VWA8: variants seen among roughly 807,000 people sequenced by gnomAD.
VWA8 encodes von Willebrand factor A domain-containing protein 8.
VWA8 carries 221 observed loss-of-function variants against 241.5 expected under a neutral mutation model. The ratio of observed to expected loss-of-function variants is 0.91; its 90% CI spans 0.82 to 1.02. The LOEUF (loss-of-function observed/expected upper bound fraction) is 1.02. Among genes scored for constraint, VWA8 ranks in the 50% least tolerant of loss-of-function variants. The pLI, the probability that VWA8 is intolerant of heterozygous loss-of-function variation, is 0.00. For missense variants in VWA8, 2,322 were observed against 2,328.7 expected (o/e 1.00, Z 0.06); for synonymous variants, 852 against 827.1 (o/e 1.03, Z -0.52).
rs573935658 is a variant in VWA8, at chr13:41,756,150, A to G, written c.2426+4978T>C. On this transcript the variant is annotated intron_variant, in intron 21 of 44. Transcript: ENST00000379310. ...TCATTACTAAGGACATTAAAATATC[A>G]TAAGATGATATTCTAAATAACTTTA... 2.6e-5 allele frequency among the ~76,000 whole-genome samples: 4 copies of G among 151,936 alleles called. No homozygotes were observed. The South Asian group carries it at 8.3e-4, about 32-fold the overall frequency.
chr13:41,618,741 C>A (rs1464765813), intron 37 of VWA8, among the ~76,000 whole-genome samples: 2 of 152,144 alleles, frequency 1.3e-5, no homozygotes, highest in Non-Finnish European at 2.9e-5. Context: ...ATCCTTTCCC[C>A]ATTTCTTGTT....
chr13:41,699,359 AC>A, intron 28 of VWA8, 89 bp from the exon 29 acceptor site: 1 of 1,219,248 alleles, frequency 8.2e-7, no homozygotes, highest in Non-Finnish European at 1.2e-6. Context: ...TCATGAATAC[AC>A]AGCTGGAACA....
At chr13:41,904,896 C>G (rs1875634904) in intron 4 of VWA8, among the ~76,000 whole-genome samples, 1 of 152,014 alleles carries the variant, frequency 6.6e-6, no homozygotes, top group Non-Finnish European at 1.5e-5. Context: ...TAAAAGATAA[C>G]CAACTGGAAA....
chr13:41,755,397 G>C (rs914746598), intron 21 of VWA8, among the ~76,000 whole-genome samples: 1 of 151,444 alleles, frequency 6.6e-6, no homozygotes, highest in African/African-American at 2.4e-5. Flanking sequence ...AGATACTTAG[G>C]GCCCTTGTTA....
At chr13:41,888,265 A>G (rs1285153971) in intron 5 of VWA8, among the ~76,000 whole-genome samples, 1 of 152,170 alleles carries the variant, frequency 6.6e-6, no homozygotes, top group East Asian at 1.9e-4. Flanking sequence ...GATCTACAGT[A>G]TTGACTAAAT....
chr13:41,597,910 C>G (rs1483841856), intron 40 of VWA8, among the ~76,000 whole-genome samples: 4 of 152,014 alleles, frequency 2.6e-5, no homozygotes, highest in African/African-American at 9.7e-5. Context: ...CCTCTCAACT[C>G]CCAGCAGTAT....
intron 9 of VWA8, among the ~76,000 whole-genome samples, chr13:41,872,023 T>C (rs1352574232): frequency 1.3e-5 from 2 of 152,230 alleles, no homozygotes; most frequent in African/African-American, 4.8e-5. Flanking sequence ...TGGTATCTCA[T>C]TGTGGTTTTG....
At chr13:41,833,590 A>G in intron 12 of VWA8, 59 bp from the exon 13 acceptor site, 1 of 1,494,872 alleles carries the variant, frequency 6.7e-7, no homozygotes, top group Non-Finnish European at 9.0e-7. Flanking sequence ...TAAGACATGC[A>G]AGGTAGCTTA....
chr13:41,790,973 T>A (rs1446189531), intron 17 of VWA8, among the ~76,000 whole-genome samples: 1 of 151,930 alleles, frequency 6.6e-6, no homozygotes, highest in Non-Finnish European at 1.5e-5. Flanking sequence ...ATAAACTCAA[T>A]GTTTAATAAA....
At chr13:41,659,302 C>T (rs2044932519) in intron 37 of VWA8, among the ~76,000 whole-genome samples, 1 of 152,164 alleles carries the variant, frequency 6.6e-6, no homozygotes, top group Admixed American at 6.5e-5. Context: ...TTTAACCTCC[C>T]TGTGCATTGG....
At chr13:41,588,682 C>T (rs760522946) in intron 41 of VWA8, among the ~76,000 whole-genome samples, 5 of 149,150 alleles carry the variant, frequency 3.4e-5, no homozygotes, top group Non-Finnish European at 3.0e-5. Flanking sequence ...GATTGTGCCA[C>T]TGCACTAAAG....
At chr13:41,913,794 T>C (rs562629349) in intron 2 of VWA8, among the ~76,000 whole-genome samples, 1 of 152,358 alleles carries the variant, frequency 6.6e-6, no homozygotes, top group African/African-American at 2.4e-5. Context: ...ACTCATTACT[T>C]CAAGTAGAAC....
chr13:41,719,267 G>A (rs535726061), intron 26 of VWA8: 48 of 840,146 alleles, frequency 5.7e-5, no homozygotes, highest in African/African-American at 4.2e-4. Context: ...TTTCATGCTC[G>A]TACAATGATG....
chr13:41,883,361 G>C (rs906811363), intron 9 of VWA8, 26 bp downstream of exon 9: 9 of 1,565,990 alleles, frequency 5.7e-6, no homozygotes, highest in Non-Finnish European at 7.9e-6. Flanking sequence ...GGAAAAGAAA[G>C]GAAAGAAAGG....
chr13:41,719,989 T>G (rs2045372849), intron 25 of VWA8, among the ~76,000 whole-genome samples: 1 of 152,020 alleles, frequency 6.6e-6, no homozygotes, highest in Non-Finnish European at 1.5e-5. Context: ...CTCTCAAATG[T>G]TAGAGCAGTG....
chr13:41,789,791 T>G (rs1424742217), intron 17 of VWA8, among the ~76,000 whole-genome samples: 2 of 152,198 alleles, frequency 1.3e-5, no homozygotes, highest in Non-Finnish European at 2.9e-5. Context: ...AGTCTTTGAC[T>G]TCTATTCAGA....
intron 42 of VWA8, among the ~76,000 whole-genome samples, chr13:41,581,992 T>C (rs1270878064): frequency 6.6e-6 from 1 of 152,190 alleles, no homozygotes; most frequent in East Asian, 1.9e-4. Flanking sequence ...ACTTTTCACT[T>C]TAATTTGAAG....
chr13:41,595,360 A>G (rs1287931661), intron 40 of VWA8, among the ~76,000 whole-genome samples: 1 of 152,186 alleles, frequency 6.6e-6, no homozygotes, highest in African/African-American at 2.4e-5. Flanking sequence ...ACTTTTTCCA[A>G]TAAATCTGCT....
chr13:41,667,008 A>G (rs897159123), intron 37 of VWA8, among the ~76,000 whole-genome samples: 5 of 152,210 alleles, frequency 3.3e-5, no homozygotes, highest in Admixed American at 6.5e-5. Context: ...CTATTTTTTC[A>G]GAGTTATTGA....
Sources: allele counts gnomAD v4.1 joint callset (sites outside exome capture counted in the v4.1 genomes callset), GRCh38; gene constraint gnomAD v4.1.1; transcripts MANE v1.5; gene names NCBI Gene and HGNC (gene_info 2026-07-23, HGNC 2026-07-21).